The following ANKS1B variants were observed in gnomAD, a reference collection of about 807,000 sequenced individuals.
ANKS1B encodes ankyrin repeat and sterile alpha motif domain containing 1B.
In ANKS1B, 36 loss-of-function variants were observed where a neutral mutation model predicts 148.3. The observed-to-expected ratio is 0.24, with a 90% CI of 0.19 to 0.32. The LOEUF is 0.32. Among genes scored for constraint, ANKS1B ranks in the 10% least tolerant of loss-of-function variants. ANKS1B has a pLI of 1.00. For synonymous variants in ANKS1B, 542 were observed against 560.8 expected (o/e 0.97, Z 0.47); for missense variants, 1,157 against 1,542.6 (o/e 0.75, Z 4.19).
rs2094546668 is a variant in ANKS1B at position 99,407,013 on chromosome 12, TC to T, written c.1576-7203del. On this transcript the variant is annotated intron_variant, in intron 11 of 26. Coordinates refer to ENST00000683438, the MANE Select transcript of ANKS1B (RefSeq NM_001352186.2). The stretch of plus-strand genomic sequence containing the variant: ...AAGAAATGGAGGAGGAGGAAATACT[TC>T]TGAACTCATTCTACAAGGCTGGTAT... 1.4e-5 allele frequency among the ~76,000 whole-genome samples: 2 copies of T among 145,548 alleles called. 1 individual carries two copies. Among genetic ancestry groups the T allele is most frequent in the African/African-American group, 5.2e-5 (2 of 38,322 alleles).
intron 9 of ANKS1B, among the ~76,000 whole-genome samples, chr12:99,529,620 A>T (rs1430811061): frequency 3.4e-5 from 5 of 148,162 alleles, no homozygotes; most frequent in Non-Finnish European, 5.9e-5. Context: ...ACCACTGCAC[A>T]CCAGCCTGGT....
At chr12:98,755,700 G>A (rs573622349) in intron 25 of ANKS1B, among the ~76,000 whole-genome samples, 73 of 152,286 alleles carry the variant, frequency 4.8e-4, no homozygotes, top group African/African-American at 1.7e-3. Context: ...ATGAGGCAGT[G>A]GAGGCTCAGA....
intron 15 of ANKS1B, among the ~76,000 whole-genome samples, chr12:99,115,870 T>C (rs1225049812): frequency 6.8e-6 from 1 of 146,418 alleles, no homozygotes; most frequent in Non-Finnish European, 1.5e-5. Context: ...AGGCAGAGGT[T>C]GCAGTGAGCC....
At chr12:99,094,010 C>T (rs1312913841) in intron 15 of ANKS1B, among the ~76,000 whole-genome samples, 1 of 152,220 alleles carries the variant, frequency 6.6e-6, no homozygotes, top group East Asian at 1.9e-4. Flanking sequence ...CAGGAGGTCA[C>T]TGAAATCTGG....
At chr12:99,617,388 CA>C (rs2097980256) in intron 9 of ANKS1B, among the ~76,000 whole-genome samples, 1 of 152,076 alleles carries the variant, frequency 6.6e-6, no homozygotes, top group Non-Finnish European at 1.5e-5. Flanking sequence ...GGAACCAACC[CA>C]AATGCCCATC....
intron 17 of ANKS1B, among the ~76,000 whole-genome samples, chr12:98,895,850 A>G (rs566463738): frequency 6.6e-6 from 1 of 152,338 alleles, no homozygotes; most frequent in East Asian, 1.9e-4. Context: ...ACCTTAAATG[A>G]CAAGGCTTTT....
intron 1 of ANKS1B, among the ~76,000 whole-genome samples, chr12:99,909,951 T>C (rs1349341987): frequency 1.3e-5 from 2 of 152,330 alleles, no homozygotes; most frequent in African/African-American, 4.8e-5. Context: ...AAGTGTAGAA[T>C]TCCTCTGTCC....
intron 19 of ANKS1B, among the ~76,000 whole-genome samples, chr12:98,822,271 CTTTTTA>C (rs2099202313): frequency 6.6e-6 from 1 of 152,046 alleles, no homozygotes; most frequent in African/African-American, 2.4e-5. Context: ...AAAAAACCTT[CTTTTTA>C]TTTTTTTTAC....
chr12:99,562,781 T>G (rs886127827), intron 9 of ANKS1B, among the ~76,000 whole-genome samples: 3 of 152,204 alleles, frequency 2.0e-5, no homozygotes, highest in Non-Finnish European at 4.4e-5. Flanking sequence ...TTACTTCCCA[T>G]GAGGTCCCTC....
intron 9 of ANKS1B, among the ~76,000 whole-genome samples, chr12:99,593,363 C>A (rs2097723572): frequency 6.6e-6 from 1 of 152,004 alleles, no homozygotes; most frequent in Admixed American, 6.6e-5. Flanking sequence ...CAGTCAGAAT[C>A]TTGTGATTCT....
At chr12:99,641,313 G>C (rs1008047244) in intron 9 of ANKS1B, among the ~76,000 whole-genome samples, 1 of 152,176 alleles carries the variant, frequency 6.6e-6, no homozygotes, top group Admixed American at 6.5e-5. Flanking sequence ...CAGCAGCAGA[G>C]GGTGAGTTAC....
At chr12:99,428,658 G>C (rs963103686) in intron 11 of ANKS1B, among the ~76,000 whole-genome samples, 1 of 152,188 alleles carries the variant, frequency 6.6e-6, no homozygotes, top group East Asian at 1.9e-4. Flanking sequence ...ACGTGCATAC[G>C]TATATGTACG....
chr12:99,642,681 G>T (rs1181871806), intron 9 of ANKS1B, among the ~76,000 whole-genome samples: 3 of 152,150 alleles, frequency 2.0e-5, no homozygotes, highest in Non-Finnish European at 4.4e-5. Flanking sequence ...GCTGGGCGTG[G>T]TGATGCATGC....
intron 17 of ANKS1B, among the ~76,000 whole-genome samples, chr12:98,854,603 A>G (rs1025042882): frequency 1.3e-5 from 2 of 152,192 alleles, no homozygotes; most frequent in African/African-American, 2.4e-5. Flanking sequence ...GCCTAGACTT[A>G]ATTGTTTAGA....
chr12:99,130,682 G>A (rs756728165), intron 15 of ANKS1B, among the ~76,000 whole-genome samples: 1 of 152,032 alleles, frequency 6.6e-6, no homozygotes, highest in Admixed American at 6.6e-5. Flanking sequence ...CATTTTGAAC[G>A]GATTAAGTTC....
chr12:99,295,601 GTCA>G (rs1305321686), intron 12 of ANKS1B, among the ~76,000 whole-genome samples: 2 of 152,094 alleles, frequency 1.3e-5, no homozygotes, highest in Non-Finnish European at 2.9e-5. Context: ...TACTTTCAGT[GTCA>G]TTCTTTTAAA....
chr12:99,180,928 G>A (rs2079041540), intron 14 of ANKS1B, among the ~76,000 whole-genome samples: 1 of 152,042 alleles, frequency 6.6e-6, no homozygotes, highest in African/African-American at 2.4e-5. Context: ...CCTCCCTACT[G>A]ACTGTCCTCA....
chr12:98,995,039 T>C (rs539579134), intron 17 of ANKS1B, among the ~76,000 whole-genome samples: 1 of 152,326 alleles, frequency 6.6e-6, no homozygotes, highest in Admixed American at 6.5e-5. Flanking sequence ...CTATATGAAA[T>C]AGTAAGTGCT....
chr12:99,478,600 G>A (rs2096363609), intron 10 of ANKS1B, among the ~76,000 whole-genome samples: 1 of 152,068 alleles, frequency 6.6e-6, no homozygotes, highest in African/African-American at 2.4e-5. Context: ...TATGATGTTC[G>A]GTACCAGAAA....
Sources: gnomAD v4.1 joint callset for allele counts (sites outside exome capture counted in the v4.1 genomes callset) on GRCh38, gnomAD v4.1.1 for gene constraint, MANE v1.5 for transcripts, NCBI Gene and HGNC (gene_info 2026-07-23, HGNC 2026-07-21) for gene names.